The following WASL variants were observed in gnomAD, a reference collection of about 807,000 sequenced individuals.
WASL encodes actin nucleation-promoting factor WASL.
Under a neutral mutation model 55.5 loss-of-function variants are expected in WASL, and 20 were observed. The observed-to-expected ratio is 0.36, with a 90% CI of 0.25 to 0.52. The LOEUF (loss-of-function observed/expected upper bound fraction) is 0.52. WASL is among the 20% of genes least tolerant of loss of function. The pLI is 0.92. For synonymous variants in WASL, 249 were observed against 217.6 expected, an observed-to-expected ratio of 1.14 and a Z score of -1.27; for missense variants, 504 against 622.5, an observed-to-expected ratio of 0.81 and a Z score of 2.03.
Position 123,720,139 on chromosome 7 carries a change from G to A in WASL, c.118-10916C>T, listed in dbSNP as rs533190261. ...TAAGAATTAAAATCAGTTCAGTAAC[G>A]TGTTTGATCTATTTAACTAAACCAG... On this transcript the variant is annotated intron_variant, in intron 1 of 10. Transcript: ENST00000223023. Among the ~76,000 whole-genome samples, 125 of 152,178 alleles carry A rather than the reference G, an allele frequency of 8.2e-4. 6 individuals carry two copies. The South Asian group carries it at 0.023, about 28-fold the overall frequency.
chr7:123,739,746 C>A (rs959580637), intron 1 of WASL, among the ~76,000 whole-genome samples: 1 of 152,116 alleles, frequency 6.6e-6, no homozygotes, highest in Non-Finnish European at 1.5e-5. Flanking sequence ...AGTAGAAGAG[C>A]ATCTGTACCT....
intron 1 of WASL, among the ~76,000 whole-genome samples, chr7:123,712,016 T>A (rs540575535): frequency 3.3e-4 from 50 of 152,280 alleles, no homozygotes; most frequent in African/African-American, 1.0e-3. Context: ...ATATGGGGGA[T>A]GTATTCTAGG....
At chr7:123,708,379 T>C (rs1462528774) in intron 2 of WASL, among the ~76,000 whole-genome samples, 2 of 152,148 alleles carry the variant, frequency 1.3e-5, no homozygotes, top group Non-Finnish European at 2.9e-5. Context: ...AAAGGCAGTT[T>C]TAGTTTTTTG....
At chr7:123,706,977 C>G in intron 2 of WASL, 151 bp from the exon 3 acceptor site, 1 of 427,994 alleles carries the variant, frequency 2.3e-6, no homozygotes. Flanking sequence ...TAAATAGTGT[C>G]ACATAATCTA....
intron 1 of WASL, among the ~76,000 whole-genome samples, chr7:123,718,998 A>C (rs1324567291): frequency 1.3e-5 from 2 of 152,222 alleles, no homozygotes; most frequent in Admixed American, 1.3e-4. Flanking sequence ...CAGTTACAGC[A>C]TACTTACTTC....
At chr7:123,704,519 C>T (rs1421388884) in intron 5 of WASL, 115 bp downstream of exon 5, 6 of 800,798 alleles carry the variant, frequency 7.5e-6, no homozygotes, top group Non-Finnish European at 1.2e-5. Context: ...TACATGTTTC[C>T]ACAAGGATTA....
At position 123,746,732 on chromosome 7, in the gene WASL, T is replaced by C. The variant is rs565354352; in HGVS notation, c.117+1886A>G. ...TCAGCAATCCACTTACACTAACCAA[T>C]GTGCAACATCATTTTTCTCTATCAC... is the stretch of plus-strand genomic sequence containing the variant. On this transcript the variant is annotated intron_variant, in intron 1 of 10. Transcript: ENST00000223023. Among the ~76,000 whole-genome samples, 6 of 152,372 alleles carry C rather than the reference T, an allele frequency of 3.9e-5. No homozygotes were observed. In the South Asian group the frequency reaches 1.2e-3, roughly 32 times the overall value.
In WASL at chr7:123,682,154, G is replaced by A. The variant is rs1368952165; in HGVS notation, c.*2365C>T. 1 of 152,086 alleles carries A rather than the reference G, an allele frequency of 6.6e-6. No homozygotes were observed. The highest frequency in any genetic ancestry group is 1.9e-4 in the East Asian group (1 of 5,194). 9.4% of individuals were successfully genotyped at this position (152,086 alleles called of 1,614,324 possible). A position where few individuals can be genotyped will look rare whatever the true frequency, so the allele number is the denominator to read the frequency against. On this transcript the variant is annotated 3_prime_UTR_variant, in exon 11 of 11. Transcript: ENST00000223023. ...ATCACGTAGCATTTAGATATAAAAA[G>A]CCTCATGCTAGTTTGTTAAATGCAA...
At chr7:123,713,219 G>A (rs1803786911) in intron 1 of WASL, among the ~76,000 whole-genome samples, 2 of 151,964 alleles carry the variant, frequency 1.3e-5, no homozygotes, top group South Asian at 2.1e-4. Flanking sequence ...GAGTGAGATC[G>A]CTCACCACAG....
At chr7:123,688,501 C>T (rs1803334515) in intron 10 of WASL, among the ~76,000 whole-genome samples, 1 of 152,132 alleles carries the variant, frequency 6.6e-6, no homozygotes, top group South Asian at 2.1e-4. Flanking sequence ...GCTGGAATTA[C>T]AGGCATGCGC....
intron 1 of WASL, among the ~76,000 whole-genome samples, chr7:123,713,845 G>C (rs1803797721): frequency 6.6e-6 from 1 of 152,184 alleles, no homozygotes; most frequent in South Asian, 2.1e-4. Flanking sequence ...GCAGGGTTCT[G>C]CATCCGCAAC....
chr7:123,737,625 A>G (rs1448940744), intron 1 of WASL, among the ~76,000 whole-genome samples: 8 of 143,814 alleles, frequency 5.6e-5, no homozygotes, highest in African/African-American at 1.5e-4. Context: ...AGCATTTCAT[A>G]TGGGAGAAAA....
intron 1 of WASL, among the ~76,000 whole-genome samples, chr7:123,712,539 G>C (rs556308741): frequency 6.6e-6 from 1 of 152,132 alleles, no homozygotes; most frequent in South Asian, 2.1e-4. Context: ...AAAAAACATG[G>C]TAAATGTAAT....
intron 1 of WASL, among the ~76,000 whole-genome samples, chr7:123,743,316 G>A (rs1298376829): frequency 2.9e-5 from 4 of 136,566 alleles, no homozygotes; most frequent in Non-Finnish European, 4.6e-5. Context: ...CCGCCTTGGC[G>A]ACAAAGCAAG....
At chr7:123,747,028 TAAG>T (rs1211400410) in intron 1 of WASL, among the ~76,000 whole-genome samples, 1 of 152,236 alleles carries the variant, frequency 6.6e-6, no homozygotes, top group East Asian at 1.9e-4. Context: ...AGTGGTGCTT[TAAG>T]AATCTTGTAT....
Position 123,695,820 on chromosome 7 carries a change from T to C in WASL, c.672+3A>G. 1 of 1,612,384 alleles carries C rather than the reference T, an allele frequency of 6.2e-7. No homozygotes were observed. Among genetic ancestry groups the C allele is most frequent in the East Asian group, 2.2e-5 (1 of 44,732 alleles). The stretch of plus-strand genomic sequence containing the variant: ...AACGTATATGATTTGAAAACATACT[T>C]ACATCAAAGCCTGTATTTGGATCCC... On this transcript the variant is annotated splice_donor_region_variant and intron_variant, in intron 7 of 10. Transcript: ENST00000223023.
At chr7:123,739,914 GTA>G (rs201098513) in intron 1 of WASL, among the ~76,000 whole-genome samples, 4,566 of 32,890 alleles carry the variant, frequency 0.14, 81 homozygotes, top group Non-Finnish European at 0.19. Context: ...GTGTGTGTGT[GTA>G]TATATATATA....
intron 1 of WASL, among the ~76,000 whole-genome samples, chr7:123,744,733 T>C (rs941958876): frequency 1.3e-5 from 2 of 152,194 alleles, no homozygotes; most frequent in Non-Finnish European, 2.9e-5. Context: ...GGACTATATA[T>C]GTTGAACTTC....
chr7:123,722,030 G>C (rs908456551), intron 1 of WASL, among the ~76,000 whole-genome samples: 29 of 152,050 alleles, frequency 1.9e-4, no homozygotes, highest in Non-Finnish European at 2.9e-5. Flanking sequence ...CAGGCGGGAG[G>C]GTACTGTTAG....
Sources: allele counts gnomAD v4.1 joint callset (sites outside exome capture counted in the v4.1 genomes callset), GRCh38; gene constraint gnomAD v4.1.1; transcripts MANE v1.5; gene names NCBI Gene and HGNC (gene_info 2026-07-23, HGNC 2026-07-21).